GSE1: variants seen among roughly 807,000 people sequenced by gnomAD.
GSE1 encodes Gse1 coiled-coil protein, also known as genetic suppressor element 1.
A neutral mutation model predicts 112.6 loss-of-function variants in GSE1; 32 were observed. The ratio of observed to expected loss-of-function variants is 0.28; its 90% confidence interval spans 0.21 to 0.38. The LOEUF is 0.38. Among genes scored for constraint, GSE1 ranks in the 10% least tolerant of loss-of-function variants. The pLI is 1.00. For synonymous variants in GSE1, 1,115 were observed against 735.6 expected (o/e 1.52, Z -8.35); for missense variants, 2,348 against 1,699.2 (o/e 1.38, Z -6.71).
rs2053653810 is a variant in GSE1 at position 85,675,983 on chromosome 16, C to A, written c.*3444C>A. 1 of 152,636 alleles carries A rather than the reference C, an allele frequency of 6.6e-6. No individual in the cohort carries two copies. Among genetic ancestry groups the A allele is most frequent in the African/African-American group, 2.4e-5 (1 of 41,456 alleles). The allele number at this position is 152,636 out of a possible 1,614,324, so 9.5% of individuals were successfully genotyped here. Reference sequence around the variant, plus strand: ...TTTTGTATGTACCCTGTGCTTAATTCTATAACAGTAAACCCCATACGCAGG... The same window carrying A: ...TTTTGTATGTACCCTGTGCTTAATTATATAACAGTAAACCCCATACGCAGG... On this transcript the variant is annotated 3_prime_UTR_variant, in exon 16 of 16. Coordinates refer to ENST00000253458, the MANE Select transcript of GSE1 (RefSeq NM_014615.5).
chr16:85,424,864 T>C (rs1401424332), intron 2 of GSE1, among the ~76,000 whole-genome samples: 2 of 152,212 alleles, frequency 1.3e-5, no homozygotes, highest in Non-Finnish European at 2.9e-5. Flanking sequence ...CAGCGATCAG[T>C]GGAAAAATCA....
In GSE1 at chr16:85,509,525, C is replaced by T. The variant is rs532754134; in HGVS notation, c.2465-124389C>T. 2.2e-3 allele frequency among the ~76,000 whole-genome samples: 338 copies of T among 152,348 alleles called. 12 individuals are homozygous for T. Among genetic ancestry groups the T allele is most frequent in the Admixed American group, 0.022 (336 of 15,304 alleles). On this transcript the variant is annotated intron_variant, in intron 2 of 2. Transcript: ENST00000637419. ...TCACCCACCTGGAGGGTCCGAGCTC[C>T]GTTTGGCCAGCGACCCCTGGCCCTC... is the stretch of plus-strand genomic sequence containing the variant.
Position 85,627,148 on chromosome 16 carries a change from C to T in GSE1, c.8-6766C>T, listed in dbSNP as rs1350094181. Among the ~76,000 whole-genome samples, 12 of 104,704 alleles carry T rather than the reference C, an allele frequency of 1.1e-4. No homozygotes were observed. In the East Asian group the frequency reaches 2.5e-3, roughly 21 times the overall value. 68.7% of individuals were successfully genotyped at this position (104,704 alleles called of 152,430 possible). On this transcript the variant is annotated intron_variant, in intron 1 of 15. Coordinates refer to ENST00000253458, the MANE Select transcript of GSE1 (RefSeq NM_014615.5). Reference sequence around the variant, plus strand: ...TAGGAGAAAGTATTGATTCAAGAAGCGGTGCTTTGTTACGGGGGGCGGGGG... The same window carrying T: ...TAGGAGAAAGTATTGATTCAAGAAGTGGTGCTTTGTTACGGGGGGCGGGGG...
At chr16:85,654,728 G>A (rs906598005) in intron 4 of GSE1, 66 bp from the exon 5 acceptor site, 43 of 966,494 alleles carry the variant, frequency 4.4e-5, no homozygotes, top group Middle Eastern at 2.3e-4. Flanking sequence ...GAGTTTAGCC[G>A]TCCCCCCATG....
At chr16:85,186,369 C>G (rs1486425781) in intron 1 of GSE1, among the ~76,000 whole-genome samples, 1 of 152,062 alleles carries the variant, frequency 6.6e-6, no homozygotes, top group African/African-American at 2.4e-5. Context: ...TTTTACGAGG[C>G]CGAGGCAGGT....
Position 85,661,222 on chromosome 16 carries a change from C to T in GSE1, c.1717C>T (p.Pro573Ser). 1.2e-6 allele frequency: 2 copies of T among 1,609,712 alleles called. No individual in the cohort carries two copies. The highest frequency in any genetic ancestry group is 1.7e-6 in the Non-Finnish European group (2 of 1,177,354). The change falls in exon 9 of 16, where the codon CCC (proline) becomes TCC (serine). Residue 573 changes from proline to serine, a missense_variant. Transcript: ENST00000253458. ...HFGGPPPLISPKPQLHAAPTA... is the reference protein window; with the variant it reads ...HFGGPPPLISSKPQLHAAPTA... ...TGGGGGGCCACCACCTCTGATTTCGCCCAAGCCCCAGCTCCATGCTGCACC... is the reference window on the plus strand; with the variant it reads ...TGGGGGGCCACCACCTCTGATTTCGTCCAAGCCCCAGCTCCATGCTGCACC...
At chr16:85,295,364 A>G (rs1405032389) in intron 1 of GSE1, among the ~76,000 whole-genome samples, 1 of 152,234 alleles carries the variant, frequency 6.6e-6, no homozygotes, top group Non-Finnish European at 1.5e-5. Flanking sequence ...ATCAGTTTTC[A>G]AGGTTCACGC....
chr16:85,575,398 A>G (rs745751926), intron 1 of GSE1, among the ~76,000 whole-genome samples: 8 of 152,174 alleles, frequency 5.3e-5, no homozygotes, highest in Non-Finnish European at 1.0e-4. Flanking sequence ...GAAGGAATTA[A>G]GGATGCCGTT....
intron 2 of GSE1, among the ~76,000 whole-genome samples, chr16:85,512,406 C>G (rs1200253719): frequency 6.6e-6 from 1 of 152,164 alleles, no homozygotes; most frequent in Non-Finnish European, 1.5e-5. Context: ...CCACACTCGC[C>G]GTGCTTCTGC....
rs149301674 is a variant in GSE1 at position 85,520,086 on chromosome 16, C to T, written c.2465-113828C>T. Reference sequence around the variant, plus strand: ...ATAGACCAGGTGGCTTAACAACCATCGAAATGTACTGCTTCAATTTCTGGA... The same window carrying T: ...ATAGACCAGGTGGCTTAACAACCATTGAAATGTACTGCTTCAATTTCTGGA... On this transcript the variant is annotated intron_variant, in intron 2 of 2. Coordinates refer to the GSE1 transcript ENST00000637419. 4.6e-5 allele frequency among the ~76,000 whole-genome samples: 7 copies of T among 152,298 alleles called. 1 individual carries two copies. In the South Asian group the frequency reaches 1.0e-3, roughly 23 times the overall value.
At chr16:85,265,431 G>A (rs1038626421) in intron 1 of GSE1, among the ~76,000 whole-genome samples, 2 of 152,142 alleles carry the variant, frequency 1.3e-5, no homozygotes, top group Non-Finnish European at 2.9e-5. Flanking sequence ...CCAGACCCGC[G>A]CTAATGCACC....
chr16:85,669,053 C>G (rs917936605), intron 14 of GSE1, among the ~76,000 whole-genome samples: 2 of 152,276 alleles, frequency 1.3e-5, no homozygotes, highest in Admixed American at 6.5e-5. Flanking sequence ...CACATCTCCC[C>G]TGCCAGGGAG....
rs767278182 is a variant in GSE1, at chr16:85,674,673, A to G, written c.*2134A>G. 6.6e-6 allele frequency: 1 copy of G among 152,246 alleles called. No individual in the cohort carries two copies. Among genetic ancestry groups the G allele is most frequent in the Non-Finnish European group, 1.5e-5 (1 of 68,042 alleles). 9.4% of individuals were successfully genotyped at this position (152,246 alleles called of 1,614,324 possible). On this transcript the variant is annotated 3_prime_UTR_variant, in exon 16 of 16. Transcript: ENST00000253458. ...AAGGGAAAAGTAGATCCGATAACTT[A>G]AAAACGTAGCTCATCCCTTACCATC...
chr16:85,458,864 C>T (rs528091885), intron 2 of GSE1, among the ~76,000 whole-genome samples: 4 of 152,130 alleles, frequency 2.6e-5, no homozygotes, highest in Admixed American at 2.0e-4. Flanking sequence ...CTACTGCTAA[C>T]CCTCCATCTA....
intron 1 of GSE1, among the ~76,000 whole-genome samples, chr16:85,586,626 G>A (rs1003249644): frequency 1.3e-5 from 2 of 152,210 alleles, no homozygotes; most frequent in African/African-American, 2.4e-5. Context: ...TCACGGGCCC[G>A]ACGCCGGCCC....
intron 2 of GSE1, among the ~76,000 whole-genome samples, chr16:85,466,094 A>T (rs1262016538): frequency 1.3e-5 from 2 of 152,192 alleles, no homozygotes; most frequent in Non-Finnish European, 2.9e-5. Flanking sequence ...TCTCAGTGAC[A>T]GCAGCCGGCT....
chr16:85,441,018 CA>C (rs2049363267), intron 2 of GSE1, among the ~76,000 whole-genome samples: 1 of 152,246 alleles, frequency 6.6e-6, no homozygotes, highest in African/African-American at 2.4e-5. Context: ...TGCTGGGCCA[CA>C]CCTGAGGAAC....
At chr16:85,597,494 G>A (rs559107712) in intron 1 of GSE1, among the ~76,000 whole-genome samples, 2 of 151,944 alleles carry the variant, frequency 1.3e-5, no homozygotes, top group South Asian at 4.2e-4. Flanking sequence ...TTGAGAGACA[G>A]GATCTCATTC....
At chr16:85,270,825 G>A (rs1003620170) in intron 1 of GSE1, among the ~76,000 whole-genome samples, 2 of 152,146 alleles carry the variant, frequency 1.3e-5, no homozygotes, top group Non-Finnish European at 2.9e-5. Flanking sequence ...TTCTAAATGT[G>A]CCTGTCTGGC....
Sources: gnomAD v4.1 joint callset for allele counts (sites outside exome capture counted in the v4.1 genomes callset) on GRCh38, gnomAD v4.1.1 for gene constraint, MANE v1.5 for transcripts, NCBI Gene and HGNC (gene_info 2026-07-23, HGNC 2026-07-21) for gene names.